Variants in CADM2 observed in about 807,000 individuals in gnomAD.
CADM2 encodes immunoglobulin superfamily member 4D.
A neutral mutation model predicts 49.8 loss-of-function variants in CADM2; 12 were observed. The ratio of observed to expected loss-of-function variants is 0.24; its 90% CI spans 0.15 to 0.39. The LOEUF (loss-of-function observed/expected upper bound fraction) is 0.39, where lower values mean the gene tolerates loss of function less well. Among genes scored for constraint, CADM2 ranks in the 10% least tolerant of loss-of-function variants. The pLI, the probability that CADM2 is intolerant of heterozygous loss-of-function variation, is 1.00. For synonymous variants in CADM2, 214 were observed against 175.4 expected (o/e 1.22, Z -1.74); for missense variants, 378 against 492.3 (o/e 0.77, Z 2.20).
At chr3:85,855,297 C>G (rs2075264720) in intron 3 of CADM2, among the ~76,000 whole-genome samples, 1 of 152,050 alleles carries the variant, frequency 6.6e-6, no homozygotes, top group African/African-American at 2.4e-5. Flanking sequence ...AAGCCACCCT[C>G]TAAACTATTT....
chr3:85,407,637 G>T (rs146024357), intron 1 of CADM2, among the ~76,000 whole-genome samples: 2 of 152,202 alleles, frequency 1.3e-5, no homozygotes, highest in Non-Finnish European at 2.9e-5. Flanking sequence ...TTTCTAGAAA[G>T]AAATTTAGCA....
chr3:85,829,016 G>A (rs974480314), intron 3 of CADM2, among the ~76,000 whole-genome samples: 9 of 151,838 alleles, frequency 5.9e-5, no homozygotes, highest in African/African-American at 1.9e-4. Context: ...TTGACCATAA[G>A]TATACTTTAG....
At chr3:85,872,951 A>G (rs1252414228) in intron 3 of CADM2, among the ~76,000 whole-genome samples, 2 of 152,194 alleles carry the variant, frequency 1.3e-5, no homozygotes, top group Admixed American at 1.3e-4. Context: ...CTATAACAAA[A>G]TACCACAGAC....
At chr3:85,029,613 G>A (rs2034891019) in intron 1 of CADM2, among the ~76,000 whole-genome samples, 1 of 152,224 alleles carries the variant, frequency 6.6e-6, no homozygotes. Context: ...AGTGAGCAGT[G>A]TGTTTCTCAC....
intron 1 of CADM2, among the ~76,000 whole-genome samples, chr3:84,983,179 A>G (rs1250252307): frequency 6.6e-6 from 1 of 152,148 alleles, no homozygotes; most frequent in Non-Finnish European, 1.5e-5. Context: ...TTTGCAATGT[A>G]TCATTTTTGT....
intron 1 of CADM2, among the ~76,000 whole-genome samples, chr3:85,433,419 C>T (rs986634956): frequency 6.6e-6 from 1 of 151,650 alleles, no homozygotes; most frequent in African/African-American, 2.4e-5. Flanking sequence ...TTTTTTTCCC[C>T]TTGTAGTTGG....
At chr3:85,953,006 T>C (rs1723634144) in intron 7 of CADM2, among the ~76,000 whole-genome samples, 1 of 150,794 alleles carries the variant, frequency 6.6e-6, no homozygotes, top group Non-Finnish European at 1.5e-5. Flanking sequence ...TTTCTTACTT[T>C]AAATGTACAG....
intron 1 of CADM2, among the ~76,000 whole-genome samples, chr3:85,288,784 G>GGCCCC (rs2043698717): frequency 4.5e-5 from 4 of 88,198 alleles, no homozygotes; most frequent in Admixed American, 1.6e-4. Context: ...TTACCAATAT[G>GGCCCC]CCCCCCCCCC....
rs2108481567 is a variant in CADM2 at position 85,912,400 on chromosome 3, C to T, written c.557C>T (p.Ala186Val). ...GTAAAATATTTAAAAGAAGAGGATGCAAATCGCAAGACATTCACTGTCAGC... is the reference window on the plus strand; with the variant it reads ...GTAAAATATTTAAAAGAAGAGGATGTAAATCGCAAGACATTCACTGTCAGC... The part of the protein sequence containing the change: ...KDVKYLKEED[A>V]NRKTFTVSST... Residue 186 changes from alanine (A) to valine (V), a missense_variant, in exon 6 of 10, where the codon GCA (alanine) becomes GTA (valine). Transcript: ENST00000383699. 6.2e-7 allele frequency: 1 copy of T among 1,609,268 alleles called. No homozygotes were observed.
At chr3:85,382,652 A>C (rs927007649) in intron 1 of CADM2, among the ~76,000 whole-genome samples, 1 of 152,164 alleles carries the variant, frequency 6.6e-6, no homozygotes, top group African/African-American at 2.4e-5. Flanking sequence ...TACATACTCA[A>C]ATCTATGCAG....
At chr3:85,105,133 A>G (rs947219496) in intron 1 of CADM2, among the ~76,000 whole-genome samples, 3 of 152,092 alleles carry the variant, frequency 2.0e-5, no homozygotes, top group African/African-American at 7.2e-5. Flanking sequence ...GAGAAAGGGC[A>G]TCCCTGTCAT....
At chr3:85,210,147 T>A (rs1459818211) in intron 1 of CADM2, among the ~76,000 whole-genome samples, 3 of 152,224 alleles carry the variant, frequency 2.0e-5, no homozygotes, top group African/African-American at 7.2e-5. Context: ...TTTCGAGGTA[T>A]GTTCCTACTA....
chr3:85,748,531 G>A (rs1355863032), intron 2 of CADM2, among the ~76,000 whole-genome samples: 1 of 151,994 alleles, frequency 6.6e-6, no homozygotes. Context: ...AATAATGTCA[G>A]GGCCCTAGAT....
At chr3:85,599,870 A>G (rs905909297) in intron 1 of CADM2, among the ~76,000 whole-genome samples, 6 of 150,162 alleles carry the variant, frequency 4.0e-5, no homozygotes, top group African/African-American at 9.8e-5. Context: ...AGAATTAGCT[A>G]AATTTAAAAA....
chr3:85,802,215 A>G lies in CADM2; in HGVS notation c.238+19A>G. On this transcript the variant is annotated intron_variant, in intron 3 of 9. Coordinates refer to ENST00000383699, the MANE Select transcript of CADM2 (RefSeq NM_001167675.2). ...AAGAAAGGTGAATACATTTTCTTTC[A>G]AATGTTTTAATCGTATTCTAAAATA... The G allele has an allele frequency of 6.3e-7, 1 of 1,594,734 alleles. No homozygotes were observed. Among genetic ancestry groups the G allele is most frequent in the South Asian group, 1.1e-5 (1 of 87,988 alleles).
chr3:85,876,864 T>C (rs1229017270), intron 3 of CADM2, among the ~76,000 whole-genome samples: 1 of 152,182 alleles, frequency 6.6e-6, no homozygotes, highest in African/African-American at 2.4e-5. Flanking sequence ...GTACCTTTTG[T>C]TAGAAATGGG....
intron 1 of CADM2, among the ~76,000 whole-genome samples, chr3:85,373,090 G>A (rs939894831): frequency 3.3e-5 from 5 of 152,030 alleles, no homozygotes; most frequent in African/African-American, 1.2e-4. Flanking sequence ...GTACCCCAAA[G>A]TCTCGACTCA....
intron 8 of CADM2, among the ~76,000 whole-genome samples, chr3:85,985,716 T>A (rs1349457487): frequency 6.6e-6 from 1 of 152,010 alleles, no homozygotes; most frequent in East Asian, 1.9e-4. Flanking sequence ...CATTGCTTTC[T>A]GAAAGATCTT....
intron 1 of CADM2, among the ~76,000 whole-genome samples, chr3:85,113,661 A>G (rs928750645): frequency 6.8e-6 from 1 of 146,692 alleles, no homozygotes; most frequent in Non-Finnish European, 1.5e-5. Flanking sequence ...TTATTTTAAT[A>G]TTTATTGCTT....
Sources: gnomAD v4.1 joint callset for allele counts (sites outside exome capture counted in the v4.1 genomes callset) on GRCh38, gnomAD v4.1.1 for gene constraint, MANE v1.5 for transcripts, NCBI Gene and HGNC (gene_info 2026-07-23, HGNC 2026-07-21) for gene names.